CXCL13: variants seen among roughly 807,000 people sequenced by gnomAD.
CXCL13 encodes C-X-C motif chemokine 13.
A neutral mutation model predicts 12.2 loss-of-function variants in CXCL13; 7 were observed. The ratio of observed to expected loss-of-function variants is 0.57; its 90% CI spans 0.33 to 1.07. The LOEUF (loss-of-function observed/expected upper bound fraction) is 1.07. Ranked by LOEUF, CXCL13 falls within the 50% of genes least tolerant of loss-of-function variation. CXCL13 has a pLI of 0.04. For missense variants in CXCL13, 113 were observed against 127.4 expected (o/e 0.89, Z 0.55); for synonymous variants, 47 against 42.4 (o/e 1.11, Z -0.42).
At chr4:77,584,623 T>A (rs1726409898) in intron 1 of CXCL13, among the ~76,000 whole-genome samples, 1 of 152,172 alleles carries the variant, frequency 6.6e-6, no homozygotes, top group Non-Finnish European at 1.5e-5. Flanking sequence ...GAATTTGAGT[T>A]TCTAGGGCAC....
chr4:77,515,876 G>T (rs886438790), intron 1 of CXCL13, among the ~76,000 whole-genome samples: 1 of 152,178 alleles, frequency 6.6e-6, no homozygotes, highest in Non-Finnish European at 1.5e-5. Context: ...GGGCATCTCT[G>T]TCTTGCACCA....
chr4:77,564,766 A>G (rs963920180), intron 1 of CXCL13, among the ~76,000 whole-genome samples: 1 of 152,152 alleles, frequency 6.6e-6, no homozygotes, highest in African/African-American at 2.4e-5. Context: ...TACCAAGTAA[A>G]ATGGCTCTCC....
intron 1 of CXCL13, among the ~76,000 whole-genome samples, chr4:77,513,436 A>G (rs1420219152): frequency 6.6e-6 from 1 of 150,902 alleles, no homozygotes; most frequent in Non-Finnish European, 1.5e-5. Context: ...CATCCTCTCC[A>G]GCATCTGTTG....
chr4:77,594,229 G>C (rs1726690360), intron 1 of CXCL13, among the ~76,000 whole-genome samples: 1 of 152,158 alleles, frequency 6.6e-6, no homozygotes, highest in Admixed American at 6.5e-5. Context: ...GAGGACGAGA[G>C]GAGTGAGCTC....
chr4:77,535,075 TCA>T (rs1350186157), intron 1 of CXCL13, among the ~76,000 whole-genome samples: 3 of 152,196 alleles, frequency 2.0e-5, no homozygotes, highest in South Asian at 4.1e-4. Context: ...ATCCCCAAAT[TCA>T]CAGTGTCCTC....
chr4:77,528,680 C>T (rs953440167), intron 1 of CXCL13, among the ~76,000 whole-genome samples: 43 of 152,130 alleles, frequency 2.8e-4, no homozygotes, highest in African/African-American at 9.6e-4. Context: ...GGATGTTAGC[C>T]CTTTGTCAGA....
chr4:77,518,775 G>T (rs1045636010), intron 1 of CXCL13, among the ~76,000 whole-genome samples: 6 of 152,144 alleles, frequency 3.9e-5, no homozygotes, highest in Admixed American at 3.3e-4. Flanking sequence ...ATTGTCTGAA[G>T]CCTTCTTCTC....
chr4:77,593,567 CT>C (rs1397609876), intron 1 of CXCL13, among the ~76,000 whole-genome samples: 3 of 152,240 alleles, frequency 2.0e-5, no homozygotes, highest in Non-Finnish European at 4.4e-5. Flanking sequence ...AGAAAACTAC[CT>C]TAAATTTGAA....
intron 1 of CXCL13, among the ~76,000 whole-genome samples, chr4:77,519,242 G>T (rs940521020): frequency 4.6e-5 from 7 of 152,260 alleles, no homozygotes; most frequent in South Asian, 2.1e-4. Flanking sequence ...AGGGGTCAGG[G>T]GTCAGGGACC....
intron 1 of CXCL13, among the ~76,000 whole-genome samples, chr4:77,529,099 T>C (rs1443715962): frequency 6.6e-6 from 1 of 152,182 alleles, no homozygotes; most frequent in Non-Finnish European, 1.5e-5. Context: ...AGATATGTGG[T>C]ATTATTTCTG....
chr4:77,520,986 T>C (rs1724581007), intron 1 of CXCL13, among the ~76,000 whole-genome samples: 1 of 152,232 alleles, frequency 6.6e-6, no homozygotes, highest in Non-Finnish European at 1.5e-5. Context: ...TGTGGTTTTT[T>C]GTCACTGGTT....
At chr4:77,546,021 A>T (rs1025746695) in intron 1 of CXCL13, among the ~76,000 whole-genome samples, 8 of 151,990 alleles carry the variant, frequency 5.3e-5, no homozygotes, top group Non-Finnish European at 1.2e-4. Flanking sequence ...GGTTTTTGTC[A>T]TTGGTTCTGT....
At chr4:77,524,317 A>T (rs1724705200) in intron 1 of CXCL13, among the ~76,000 whole-genome samples, 2 of 152,196 alleles carry the variant, frequency 1.3e-5, no homozygotes, top group Non-Finnish European at 2.9e-5. Flanking sequence ...CCTTTTGTTC[A>T]GCTATCCCCT....
intron 1 of CXCL13, among the ~76,000 whole-genome samples, chr4:77,521,802 T>C (rs1383040382): frequency 1.3e-5 from 2 of 152,194 alleles, no homozygotes; most frequent in African/African-American, 4.8e-5. Context: ...ATTGTGATGT[T>C]AGGATGTCAA....
chr4:77,529,201 G>T lies in CXCL13; in HGVS notation c.-43+17413G>T, dbSNP rs185612202. ...CTGTAGCCTTGTAGCATAGTTTGAG[G>T]TCAGGTAGCGTGATGCCTCCAGCTT... is the stretch of plus-strand genomic sequence containing the variant. On this transcript the variant is annotated intron_variant, in intron 1 of 4. Transcript: ENST00000286758. Among the ~76,000 whole-genome samples the T allele has an allele frequency of 2.4e-4, 37 of 152,280 alleles. No homozygotes were observed. In the East Asian group the frequency reaches 6.9e-3, roughly 29 times the overall value.
intron 1 of CXCL13, among the ~76,000 whole-genome samples, chr4:77,530,728 C>T (rs993011312): frequency 1.3e-5 from 2 of 152,062 alleles, no homozygotes; most frequent in African/African-American, 2.4e-5. Context: ...AAAACCAGCT[C>T]CTGGATTCAT....
chr4:77,606,579 C>T (rs953201577), intron 1 of CXCL13, among the ~76,000 whole-genome samples: 2 of 152,200 alleles, frequency 1.3e-5, no homozygotes, highest in African/African-American at 4.8e-5. Context: ...CACAGAGGAG[C>T]TTTGTCCCCC....
chr4:77,588,513 T>C (rs1256416807), intron 1 of CXCL13, among the ~76,000 whole-genome samples: 1 of 152,238 alleles, frequency 6.6e-6, no homozygotes, highest in Non-Finnish European at 1.5e-5. Context: ...TGACAATGCT[T>C]GGAGCCTGCT....
chr4:77,512,347 C>T (rs1183783620), intron 1 of CXCL13, among the ~76,000 whole-genome samples: 1 of 152,184 alleles, frequency 6.6e-6, no homozygotes, highest in Non-Finnish European at 1.5e-5. Flanking sequence ...TCTATCATCA[C>T]ATGTTGCTGC....
Sources: allele counts gnomAD v4.1 joint callset (sites outside exome capture counted in the v4.1 genomes callset), GRCh38; gene constraint gnomAD v4.1.1; transcripts MANE v1.5; gene names NCBI Gene and HGNC (gene_info 2026-07-23, HGNC 2026-07-21).